Variants in NPNT observed in about 807,000 individuals in gnomAD.
NPNT encodes nephronectin.
Under a neutral mutation model 68.6 loss-of-function variants are expected in NPNT, and 45 were observed. That is an observed-to-expected ratio of 0.66 (90% confidence interval 0.52 to 0.84). The LOEUF is 0.84. Ranked by LOEUF, NPNT falls within the 40% of genes least tolerant of loss-of-function variation. The probability of loss-of-function intolerance (pLI) is 0.00; values close to 1 mark genes in which losing one functional copy is unlikely to be tolerated. For synonymous variants in NPNT, 233 were observed against 253.3 expected, an observed-to-expected ratio of 0.92 and a Z score of 0.76; for missense variants, 672 against 714.8, an observed-to-expected ratio of 0.94 and a Z score of 0.68.
chr4:105,964,160 A>G (rs879630818), intron 10 of NPNT, among the ~76,000 whole-genome samples: 17 of 152,178 alleles, frequency 1.1e-4, no homozygotes, highest in Non-Finnish European at 1.9e-4. Context: ...GCCCAGAGTT[A>G]CCACTAAAAT....
At position 105,903,100 on chromosome 4, in the gene NPNT, G is replaced by A. The variant is rs560677658; in HGVS notation, c.172+5099G>A. ...ATGCTGCTTGAAGTTGCCCACGCAT[G>A]TACACACTGGGACCAAGAAGGCACT... On this transcript the variant is annotated intron_variant, in intron 2 of 11. Transcript: ENST00000379987. 2.0e-5 allele frequency among the ~76,000 whole-genome samples: 3 copies of A among 152,248 alleles called. No individual in the cohort carries two copies. The South Asian group carries it at 6.2e-4, about 32-fold the overall frequency.
At chr4:105,901,898 A>G (rs545599042) in intron 2 of NPNT, among the ~76,000 whole-genome samples, 1 of 152,338 alleles carries the variant, frequency 6.6e-6, no homozygotes, top group African/African-American at 2.4e-5. Flanking sequence ...GTTGGATAAT[A>G]TATATTACTG....
chr4:105,959,866 G>A (rs1351265135), intron 10 of NPNT, among the ~76,000 whole-genome samples: 1 of 147,346 alleles, frequency 6.8e-6, no homozygotes, highest in Non-Finnish European at 1.5e-5. Flanking sequence ...CTAGAGTGCA[G>A]TGGCGCGATC....
At chr4:105,927,602 C>T (rs934312963) in intron 3 of NPNT, 174 bp downstream of exon 3, 1 of 372,090 alleles carries the variant, frequency 2.7e-6, no homozygotes, top group African/African-American at 2.1e-5. Context: ...TTTCTTTTAT[C>T]AAAGGACAAT....
chr4:105,967,430 G>T lies in NPNT; in HGVS notation c.1588G>T (p.Ala530Ser). Residue 530 changes from alanine to serine, a missense_variant, in exon 11 of 12, where the codon GCT (alanine) becomes TCT (serine). By Grantham distance (99) the Ala-to-Ser change is moderately conservative. Coordinates refer to ENST00000379987, the MANE Select transcript of NPNT (RefSeq NM_001033047.3). ...WRQTQITLRG[A>S]DIKSVVFKGE... ...GCAAACACAGATCACCTTGCGAGGG[G>T]CTGACATCAAGAGCGTAAGTAGATC... is the stretch of plus-strand genomic sequence containing the variant. The T allele has an allele frequency of 1.9e-6, 3 of 1,592,284 alleles. No individual in the cohort carries two copies. In the East Asian group the frequency reaches 6.7e-5, roughly 36 times the overall value.
chr4:105,927,980 A>G (rs1728817548), intron 3 of NPNT, among the ~76,000 whole-genome samples: 2 of 152,216 alleles, frequency 1.3e-5, no homozygotes, highest in Non-Finnish European at 2.9e-5. Context: ...TATTTATTCA[A>G]CACTCATAGT....
At chr4:105,940,458 A>T (rs903971462) in intron 6 of NPNT, 56 bp from the exon 7 acceptor site, 2 of 1,521,786 alleles carry the variant, frequency 1.3e-6, no homozygotes, top group Non-Finnish European at 1.8e-6. Flanking sequence ...TATATTTTTT[A>T]TGTCATCATA....
chr4:105,957,567 G>A (rs888783545), intron 8 of NPNT, among the ~76,000 whole-genome samples: 6 of 152,138 alleles, frequency 3.9e-5, no homozygotes, highest in Non-Finnish European at 8.8e-5. Flanking sequence ...CCTGTCACCA[G>A]GTCAAGCCCT....
At chr4:105,936,912 T>C (rs1388637837) in intron 3 of NPNT, 97 bp from the exon 4 acceptor site, 13 of 1,222,024 alleles carry the variant, frequency 1.1e-5, no homozygotes. Context: ...TTGACCTATT[T>C]TTCTCTTTCA....
intron 2 of NPNT, among the ~76,000 whole-genome samples, chr4:105,913,544 A>G (rs983419671): frequency 1.3e-5 from 2 of 152,224 alleles, no homozygotes; most frequent in African/African-American, 2.4e-5. Flanking sequence ...CTTACTGGTT[A>G]TAAGGAGGTG....
At chr4:105,940,746 C>A in intron 7 of NPNT, 110 bp downstream of exon 7, 1 of 985,738 alleles carries the variant, frequency 1.0e-6, no homozygotes, top group Non-Finnish European at 1.5e-6. Flanking sequence ...GTATAATTGT[C>A]ATAATTGGTT....
At position 105,942,398 on chromosome 4, in the gene NPNT, T is replaced by G. The variant is rs1403434592; in HGVS notation, c.855T>G (p.Asn285Lys). The change falls in exon 8 of 12, where the codon AAT (asparagine) becomes AAG (lysine). Residue 285 changes from asparagine (N) to lysine (K), a missense_variant. By Grantham distance (94) the Asn-to-Lys change is moderately conservative. Transcript: ENST00000379987. The stretch of plus-strand genomic sequence containing the variant: ...TAAAGGGTGACACAGGAAATAATAA[T>G]TGGATTCCTGATGTTGGAAGTACTT... Reference protein sequence around the residue: ...TILKGDTGNNNWIPDVGSTWW... With the variant: ...TILKGDTGNNKWIPDVGSTWW... 6.2e-7 allele frequency: 1 copy of G among 1,613,620 alleles called. No homozygotes were observed. Among genetic ancestry groups the G allele is most frequent in the Non-Finnish European group, 8.5e-7 (1 of 1,179,656 alleles).
At chr4:105,909,741 T>C (rs1323713083) in intron 2 of NPNT, among the ~76,000 whole-genome samples, 1 of 152,180 alleles carries the variant, frequency 6.6e-6, no homozygotes. Flanking sequence ...GGTTGGGGTA[T>C]GGAGAACTTT....
At chr4:105,967,465 G>A (rs765176702) in intron 11 of NPNT, 21 bp downstream of exon 11, 1 of 1,525,392 alleles carries the variant, frequency 6.6e-7, no homozygotes, top group Non-Finnish European at 8.8e-7. Flanking sequence ...CCACAAAGGA[G>A]GCAGGACCTG....
chr4:105,895,969 G>C lies in NPNT; in HGVS notation c.71+246G>C, dbSNP rs540998530. On this transcript the variant is annotated intron_variant, in intron 1 of 11. Transcript: ENST00000379987. ...CGGCCCCCCGAGGGCGACTCGCCCC[G>C]GCTCGGGAATTAGGACTGAGGGAGA... 4 of 549,868 alleles carry C rather than the reference G, an allele frequency of 7.3e-6. No individual in the cohort carries two copies. The East Asian group carries it at 9.6e-5, about 13-fold the overall frequency. 34.1% of individuals were successfully genotyped at this position (549,868 alleles called of 1,614,324 possible).
At chr4:105,921,000 C>T (rs373818002) in intron 2 of NPNT, among the ~76,000 whole-genome samples, 15 of 152,242 alleles carry the variant, frequency 9.9e-5, no homozygotes, top group African/African-American at 3.4e-4. Context: ...CAGAATCCAG[C>T]ATCTACATAA....
chr4:105,942,527 A>G lies in NPNT; in HGVS notation c.984A>G (p.Pro328=), dbSNP rs749788166. 22 of 1,607,330 alleles carry G rather than the reference A, an allele frequency of 1.4e-5. No homozygotes were observed. Among genetic ancestry groups the G allele is most frequent in the Non-Finnish European group, 1.8e-5 (21 of 1,175,212 alleles). The change falls in exon 8 of 12, where the codon CCA becomes CCG. Residue 328 remains proline (P), a synonymous_variant. Transcript: ENST00000379987. ...PTPKPTPIPT[P]PPPPPLPTEL... Reference sequence around the variant, plus strand: ...CAAAGCCAACACCAATTCCTACTCCACCACCACCACCACCCCTGCCAACAG... The same window carrying G: ...CAAAGCCAACACCAATTCCTACTCCGCCACCACCACCACCCCTGCCAACAG...
intron 3 of NPNT, among the ~76,000 whole-genome samples, chr4:105,935,770 A>T (rs1729445676): frequency 6.6e-6 from 1 of 152,194 alleles, no homozygotes; most frequent in Non-Finnish European, 1.5e-5. Flanking sequence ...AATCAGTAAG[A>T]TATGAAAATT....
intron 2 of NPNT, among the ~76,000 whole-genome samples, chr4:105,898,558 T>G (rs1726148100): frequency 6.6e-6 from 1 of 152,158 alleles, no homozygotes; most frequent in African/African-American, 2.4e-5. Context: ...TTGTAAATCC[T>G]TTTTTGGACT....
Sources: allele counts gnomAD v4.1 joint callset (sites outside exome capture counted in the v4.1 genomes callset), GRCh38; gene constraint gnomAD v4.1.1; transcripts MANE v1.5; gene names NCBI Gene and HGNC (gene_info 2026-07-23, HGNC 2026-07-21).